Variants in ARHGEF3 observed in about 807,000 individuals in gnomAD.
The protein encoded by ARHGEF3 is 59.8 kDA protein.
Under a neutral mutation model 63.2 loss-of-function variants are expected in ARHGEF3, and 28 were observed. That is an observed-to-expected ratio of 0.44 (90% CI 0.33 to 0.61). ARHGEF3 has a LOEUF of 0.61. Ranked by LOEUF, ARHGEF3 falls within the 20% of genes least tolerant of loss-of-function variation. The pLI is 0.03. For synonymous variants in ARHGEF3, 266 were observed against 254.2 expected (o/e 1.05, Z -0.44); for missense variants, 533 against 659.3 (o/e 0.81, Z 2.10).
At chr3:56,951,403 C>T (rs987840621) in intron 3 of ARHGEF3, among the ~76,000 whole-genome samples, 1 of 151,912 alleles carries the variant, frequency 6.6e-6, no homozygotes, top group Non-Finnish European at 1.5e-5. Context: ...GCATTTTTTG[C>T]ATTGAAGTAT....
intron 3 of ARHGEF3, among the ~76,000 whole-genome samples, chr3:56,917,494 T>G (rs534924022): frequency 8.5e-5 from 13 of 152,262 alleles, no homozygotes; most frequent in Middle Eastern, 6.8e-3. Flanking sequence ...CAGGTTCATT[T>G]GAACAACAAG....
At chr3:56,787,867 G>A (rs539250536) in intron 1 of ARHGEF3, among the ~76,000 whole-genome samples, 1 of 152,258 alleles carries the variant, frequency 6.6e-6, no homozygotes, top group Non-Finnish European at 1.5e-5. Flanking sequence ...GAGACTCAGA[G>A]GCGTTAAGGG....
intron 7 of ARHGEF3, among the ~76,000 whole-genome samples, chr3:56,744,397 C>CTTTTT (rs34368516): frequency 6.4e-5 from 8 of 124,498 alleles, no homozygotes; most frequent in African/African-American, 2.6e-4. Context: ...CTCAATAAAC[C>CTTTTT]TTTTTTTTTT....
chr3:57,019,744 T>C (rs538593628), intron 2 of ARHGEF3, among the ~76,000 whole-genome samples: 1 of 152,276 alleles, frequency 6.6e-6, no homozygotes, highest in South Asian at 2.1e-4. Flanking sequence ...AAGTTCATTA[T>C]GAAAAGGGAA....
At chr3:56,888,928 A>T (rs1273204835) in intron 3 of ARHGEF3, among the ~76,000 whole-genome samples, 1 of 152,032 alleles carries the variant, frequency 6.6e-6, no homozygotes, top group Non-Finnish European at 1.5e-5. Context: ...ACAAAAACAA[A>T]AAACAAAAAT....
chr3:57,026,098 G>A (rs1703462372), intron 2 of ARHGEF3, among the ~76,000 whole-genome samples: 1 of 152,100 alleles, frequency 6.6e-6, no homozygotes, highest in Non-Finnish European at 1.5e-5. Flanking sequence ...GAGCCCATAA[G>A]ATACCTTAAC....
At chr3:57,011,780 G>C (rs973907026) in intron 2 of ARHGEF3, among the ~76,000 whole-genome samples, 2 of 152,206 alleles carry the variant, frequency 1.3e-5, no homozygotes, top group Admixed American at 6.5e-5. Flanking sequence ...ATCCCTTACA[G>C]CTATGCTGAG....
chr3:56,920,634 C>G (rs1308758590), intron 3 of ARHGEF3, among the ~76,000 whole-genome samples: 2 of 152,154 alleles, frequency 1.3e-5, no homozygotes, highest in Non-Finnish European at 2.9e-5. Flanking sequence ...TTGTACTTAA[C>G]AAGCCAGAAA....
chr3:56,838,146 C>T (rs1273592834), intron 4 of ARHGEF3, among the ~76,000 whole-genome samples: 2 of 152,080 alleles, frequency 1.3e-5, no homozygotes, highest in South Asian at 2.1e-4. Context: ...TAGCCTTTAA[C>T]AATAATGGTA....
intron 1 of ARHGEF3, chr3:57,078,616 CG>C (rs1376483748): frequency 6.6e-6 from 1 of 152,300 alleles, no homozygotes; most frequent in East Asian, 1.9e-4. Context: ...TGTCCTATCT[CG>C]GGATTTTCTG....
At chr3:56,991,873 C>T (rs1251253060) in intron 2 of ARHGEF3, among the ~76,000 whole-genome samples, 2 of 152,194 alleles carry the variant, frequency 1.3e-5, no homozygotes, top group African/African-American at 4.8e-5. Context: ...CCTCAGCCTC[C>T]CAAAGTGCTG....
rs527427507 is a variant in ARHGEF3 at position 57,031,369 on chromosome 3, G to A, written c.62+3719C>T. On this transcript the variant is annotated intron_variant, in intron 2 of 12. Coordinates refer to the ARHGEF3 transcript ENST00000338458. ...TTTCTAGGTTCTTCACTCTATATGCGACTAAAAATAAGCAAACAAAAACAA... is the reference window on the plus strand; with the variant it reads ...TTTCTAGGTTCTTCACTCTATATGCAACTAAAAATAAGCAAACAAAAACAA... Among the ~76,000 whole-genome samples the A allele has an allele frequency of 1.6e-4, 24 of 152,198 alleles. No homozygotes were observed. The South Asian group carries it at 3.3e-3, about 21-fold the overall frequency.
At chr3:56,765,694 A>G (rs1275409062) in intron 2 of ARHGEF3, among the ~76,000 whole-genome samples, 1 of 152,038 alleles carries the variant, frequency 6.6e-6, no homozygotes, top group African/African-American at 2.4e-5. Context: ...TCCAGGCCCA[A>G]CCCAAATCCC....
chr3:56,755,589 CTT>C (rs2035023358), intron 2 of ARHGEF3, among the ~76,000 whole-genome samples: 1 of 152,204 alleles, frequency 6.6e-6, no homozygotes, highest in Non-Finnish European at 1.5e-5. Flanking sequence ...ATCCCACTAA[CTT>C]TGGGTATCCT....
At position 57,002,483 on chromosome 3, in the gene ARHGEF3, A is replaced by ATATATATATATATATATATATATATGT; in HGVS notation, c.62+32604_62+32605insACATATATATATATATATATATATATA. On this transcript the variant is annotated intron_variant, in intron 2 of 12. Transcript: ENST00000338458. ...AGCACTATATATATATATATGTTAT[A>ATATATATATATATATATATATATATGT]TATATATATATATGTTATATATATA... is the stretch of plus-strand genomic sequence containing the variant. Among the ~76,000 whole-genome samples, 12 of 40,696 alleles carry ATATATATATATATATATATATATATGT rather than the reference A, an allele frequency of 2.9e-4. 1 individual carries two copies. Among genetic ancestry groups the ATATATATATATATATATATATATATGT allele is most frequent in the Middle Eastern group, 0.011 (1 of 94 alleles). The allele number at this position is 40,696 out of a possible 152,430, so 26.7% of individuals were successfully genotyped here.
chr3:57,077,540 T>C (rs1398100968), intron 1 of ARHGEF3, among the ~76,000 whole-genome samples: 1 of 152,096 alleles, frequency 6.6e-6, no homozygotes, highest in Non-Finnish European at 1.5e-5. Flanking sequence ...AGATACCAAA[T>C]GGGTGCAGAC....
intron 2 of ARHGEF3, among the ~76,000 whole-genome samples, chr3:56,999,786 G>A (rs1702119094): frequency 6.6e-6 from 1 of 152,154 alleles, no homozygotes; most frequent in Non-Finnish European, 1.5e-5. Flanking sequence ...AAAAGAGTGA[G>A]ACCTCATCCC....
intron 4 of ARHGEF3, among the ~76,000 whole-genome samples, chr3:56,856,379 G>A (rs1432956424): frequency 6.6e-6 from 1 of 152,120 alleles, no homozygotes; most frequent in Non-Finnish European, 1.5e-5. Flanking sequence ...GGCTGACATG[G>A]GATGGAAGGA....
At chr3:57,067,454 A>AATAATAATAAT in intron 1 of ARHGEF3, among the ~76,000 whole-genome samples, 2 of 140,450 alleles carry the variant, frequency 1.4e-5, no homozygotes, top group East Asian at 4.3e-4. Flanking sequence ...CTCTGTCTCA[A>AATAATAATAAT]AATAATAATA....
Sources: gnomAD v4.1 joint callset for allele counts (sites outside exome capture counted in the v4.1 genomes callset) on GRCh38, gnomAD v4.1.1 for gene constraint, MANE v1.5 for transcripts, NCBI Gene and HGNC (gene_info 2026-07-23, HGNC 2026-07-21) for gene names.